Variants in SORBS2 observed in about 807,000 individuals in gnomAD.
SORBS2 encodes the protein sorbin and SH3 domain containing 2.
SORBS2 carries 46 observed loss-of-function variants against 97.7 expected under a neutral mutation model. The ratio of observed to expected loss-of-function variants is 0.47; its 90% CI spans 0.37 to 0.60. The LOEUF (loss-of-function observed/expected upper bound fraction) is 0.60. SORBS2 is among the 20% of genes least tolerant of loss of function. SORBS2 has a pLI of 0.00. For synonymous variants in SORBS2, 476 were observed against 473.4 expected, an observed-to-expected ratio of 1.01 and a Z score of -0.07; for missense variants, 1,316 against 1,282.3, an observed-to-expected ratio of 1.03 and a Z score of -0.40.
rs183007420 is a variant in SORBS2, at chr4:185,876,152, G to A, written c.-338+80044C>T. Among the ~76,000 whole-genome samples the A allele has an allele frequency of 1.4e-3, 214 of 152,098 alleles. 1 individual carries two copies. Among genetic ancestry groups the A allele is most frequent in the Middle Eastern group, 3.4e-3 (1 of 294 alleles). On this transcript the variant is annotated intron_variant, in intron 1 of 20. Transcript: ENST00000284776. Reference sequence around the variant, plus strand: ...TGAGATGGAGTCCCACTGTCACCCAGGCTGGAGTGCAGTGGCACGATCTCA... The same window carrying A: ...TGAGATGGAGTCCCACTGTCACCCAAGCTGGAGTGCAGTGGCACGATCTCA...
chr4:185,647,978 A>G (rs1403348445), intron 3 of SORBS2, among the ~76,000 whole-genome samples: 2 of 152,238 alleles, frequency 1.3e-5, no homozygotes, highest in Non-Finnish European at 2.9e-5. Context: ...ATTTGTGTCT[A>G]GAAAACTGTT....
Position 185,721,835 on chromosome 4 carries a change from C to G in SORBS2, c.-197-43013G>C, listed in dbSNP as rs115868946. Among the ~76,000 whole-genome samples the G allele has an allele frequency of 7.5e-3, 1,137 of 152,318 alleles. 21 individuals are homozygous for G. Among genetic ancestry groups the G allele is most frequent in the African/African-American group, 0.026 (1,076 of 41,562 alleles). Reference sequence around the variant, plus strand: ...GCTGAGGTCTTCCTCTTAGGAATTACAGACTTTGGTTCCGTATAATTAGGC... The same window carrying G: ...GCTGAGGTCTTCCTCTTAGGAATTAGAGACTTTGGTTCCGTATAATTAGGC... On this transcript the variant is annotated intron_variant, in intron 2 of 20. Coordinates refer to the SORBS2 transcript ENST00000284776.
At chr4:185,868,123 C>CTTT (rs1561250480) in intron 1 of SORBS2, among the ~76,000 whole-genome samples, 1 of 142,102 alleles carries the variant, frequency 7.0e-6, no homozygotes, top group African/African-American at 2.6e-5. Flanking sequence ...TTAAAAGCTT[C>CTTT]TACTTTCCTT....
chr4:185,841,999 G>A (rs2099211848), intron 1 of SORBS2, among the ~76,000 whole-genome samples: 1 of 152,196 alleles, frequency 6.6e-6, no homozygotes. Flanking sequence ...TGCTCAGGGA[G>A]TGCTATAGGC....
intron 1 of SORBS2, among the ~76,000 whole-genome samples, chr4:185,655,774 A>T (rs1349392378): frequency 6.6e-6 from 1 of 152,208 alleles, no homozygotes; most frequent in Admixed American, 6.5e-5. Flanking sequence ...GAAACTAACC[A>T]GGCAAAGTCT....
chr4:185,782,982 A>G (rs987817710), intron 1 of SORBS2, among the ~76,000 whole-genome samples: 11 of 152,258 alleles, frequency 7.2e-5, no homozygotes, highest in African/African-American at 2.7e-4. Context: ...TCATCAAGAT[A>G]CAGCATGAAA....
At chr4:185,929,540 T>C (rs1012506218) in intron 1 of SORBS2, among the ~76,000 whole-genome samples, 80 of 151,272 alleles carry the variant, frequency 5.3e-4, no homozygotes, top group Non-Finnish European at 9.2e-4. Context: ...GTTTTTTTTT[T>C]TTTTTTGAGA....
At chr4:185,641,040 C>G (rs556694179) in intron 4 of SORBS2, among the ~76,000 whole-genome samples, 18 of 152,294 alleles carry the variant, frequency 1.2e-4, no homozygotes, top group Middle Eastern at 6.8e-3. Context: ...ATGAATAAGA[C>G]TTGTTAGCTA....
chr4:185,626,934 C>T, exon 6 of SORBS2: 1 of 1,614,220 alleles, frequency 6.2e-7, no homozygotes, highest in South Asian at 1.1e-5. Context: ...GTCCTGCTCG[C>T]ACTTTGATCT....
chr4:185,778,095 T>C (rs116720179), intron 1 of SORBS2, among the ~76,000 whole-genome samples: 1,870 of 152,354 alleles, frequency 0.012, 26 homozygotes, highest in East Asian at 0.079. Flanking sequence ...ATAGGATATT[T>C]TGCTAAAATT....
chr4:185,817,944 A>C (rs1445394019), intron 1 of SORBS2, among the ~76,000 whole-genome samples: 1 of 152,238 alleles, frequency 6.6e-6, no homozygotes, highest in Non-Finnish European at 1.5e-5. Flanking sequence ...TGATGTATTA[A>C]TACAATCAGG....
At position 185,852,737 on chromosome 4, in the gene SORBS2, C is replaced by T. The variant is rs138066816; in HGVS notation, c.-337-77371G>A. Among the ~76,000 whole-genome samples, 154 of 152,272 alleles carry T rather than the reference C, an allele frequency of 1.0e-3. 2 individuals carry two copies. Among genetic ancestry groups the T allele is most frequent in the Non-Finnish European group, 6.5e-4 (44 of 68,020 alleles). ...ATTCAGTAGAGCGGGCTTCTCAAGT[C>T]CACCCACGACCCCAAGAGTAGAGGC... On this transcript the variant is annotated intron_variant, in intron 1 of 20. Transcript: ENST00000284776.
intron 1 of SORBS2, among the ~76,000 whole-genome samples, chr4:185,797,255 C>T (rs1209304053): frequency 6.6e-6 from 1 of 152,178 alleles, no homozygotes; most frequent in Non-Finnish European, 1.5e-5. Context: ...TGACTGATTA[C>T]ATCCCTCGCT....
chr4:185,621,343 G>A (rs2096716616), intron 7 of SORBS2, among the ~76,000 whole-genome samples: 1 of 151,954 alleles, frequency 6.6e-6, no homozygotes, highest in African/African-American at 2.4e-5. Context: ...TTTCACTTGG[G>A]TGAAACACAA....
intron 4 of SORBS2, among the ~76,000 whole-genome samples, chr4:185,665,533 A>C (rs900025451): frequency 6.6e-6 from 1 of 152,272 alleles, no homozygotes; most frequent in African/African-American, 2.4e-5. Context: ...AGTAATTCTA[A>C]AATGAATGAA....
In SORBS2 at chr4:185,710,990, G is replaced by A. The variant is rs980146422; in HGVS notation, c.-197-32168C>T. ...TATTTTATTTTTTATTTTTTTTAGAGACAGGGTCTCTCTCCATTGCCCAGG... is the reference window on the plus strand; with the variant it reads ...TATTTTATTTTTTATTTTTTTTAGAAACAGGGTCTCTCTCCATTGCCCAGG... On this transcript the variant is annotated intron_variant, in intron 2 of 20. Transcript: ENST00000284776. Among the ~76,000 whole-genome samples the A allele has an allele frequency of 4.9e-5, 7 of 143,216 alleles. No homozygotes were observed. The South Asian group carries it at 1.5e-3, about 31-fold the overall frequency. The allele number at this position is 143,216 out of a possible 152,430, so 94.0% of individuals were successfully genotyped here.
chr4:185,924,857 AAACTT>A (rs560411343), intron 1 of SORBS2, among the ~76,000 whole-genome samples: 2 of 152,182 alleles, frequency 1.3e-5, no homozygotes, highest in Admixed American at 1.3e-4. Context: ...CTTGCCTATT[AAACTT>A]TTCGCTCCAT....
intron 1 of SORBS2, among the ~76,000 whole-genome samples, chr4:185,948,199 G>A (rs1451316522): frequency 1.3e-5 from 2 of 152,150 alleles, no homozygotes; most frequent in African/African-American, 4.8e-5. Flanking sequence ...TAGCTTACCT[G>A]AATCTCTCCA....
rs1169051696 is a variant in SORBS2 at position 185,688,515 on chromosome 4, T to TAGATAGATAGATAGATA, written c.-197-9710_-197-9694dup. Reference sequence around the variant, plus strand: ...ATTGATAGATAGATAAATAGATAGATAGATAGATAGATAGATAGACAAAAA... The same window carrying TAGATAGATAGATAGATA: ...ATTGATAGATAGATAAATAGATAGATAGATAGATAGATAGATAAGATAGATAGATAGATAGACAAAAA... On this transcript the variant is annotated intron_variant, in intron 2 of 20. Coordinates refer to the SORBS2 transcript ENST00000284776. Among the ~76,000 whole-genome samples, 6 of 152,160 alleles carry TAGATAGATAGATAGATA rather than the reference T, an allele frequency of 3.9e-5. 1 individual carries two copies. In the East Asian group the frequency reaches 5.8e-4, roughly 15 times the overall value.
Sources: allele counts gnomAD v4.1 joint callset (sites outside exome capture counted in the v4.1 genomes callset), GRCh38; gene constraint gnomAD v4.1.1; transcripts MANE v1.5; gene names NCBI Gene and HGNC (gene_info 2026-07-23, HGNC 2026-07-21).